The following HDAC5 variants were observed in gnomAD, a reference collection of about 807,000 sequenced individuals.
The protein encoded by HDAC5 is histone deacetylase 5, also known as antigen NY-CO-9.
HDAC5 carries 25 observed loss-of-function variants against 133.3 expected under a neutral mutation model. The observed-to-expected ratio is 0.19, with a 90% CI of 0.14 to 0.26. The LOEUF (loss-of-function observed/expected upper bound fraction) is 0.26, where lower values mean the gene tolerates loss of function less well. Among genes scored for constraint, HDAC5 ranks in the 10% least tolerant of loss-of-function variants. The pLI, the probability that HDAC5 is intolerant of heterozygous loss-of-function variation, is 1.00. For synonymous variants in HDAC5, 589 were observed against 610.8 expected (o/e 0.96, Z 0.53); for missense variants, 1,041 against 1,460.5 (o/e 0.71, Z 4.68).
chr17:44,087,789 T>C, intron 12 of HDAC5, 93 bp from the exon 13 acceptor site: 1 of 1,399,308 alleles, frequency 7.1e-7, no homozygotes, highest in Non-Finnish European at 9.4e-7. Flanking sequence ...CTCCCTCCCT[T>C]CTTCCAGGTA....
intron 11 of HDAC5, among the ~76,000 whole-genome samples, chr17:44,090,362 G>A (rs1195263715): frequency 6.6e-6 from 1 of 152,150 alleles, no homozygotes; most frequent in Admixed American, 6.6e-5. Flanking sequence ...TATATGTGGT[G>A]AAATTAATTC....
intron 1 of HDAC5, chr17:44,123,283 G>A (rs1008005433): frequency 9.5e-6 from 3 of 314,792 alleles, no homozygotes; most frequent in South Asian, 1.6e-4. Flanking sequence ...GTCTGGGAGG[G>A]GCAGGGAGGG....
chr17:44,093,851 C>T lies in HDAC5; in HGVS notation c.95-17G>A. On this transcript the variant is annotated splice_polypyrimidine_tract_variant and intron_variant, in intron 3 of 26. Transcript: ENST00000682912. ...TCACCTCCACTGTGGGCAGAAGAGA[C>T]AGGAAGGAGTTAGTGGGCCCAGCCC... 1.4e-6 allele frequency: 2 copies of T among 1,473,690 alleles called. No homozygotes were observed. Among genetic ancestry groups the T allele is most frequent in the Non-Finnish European group, 9.0e-7 (1 of 1,109,686 alleles). 91.3% of individuals were successfully genotyped at this position (1,473,690 alleles called of 1,614,324 possible). A position where few individuals can be genotyped will look rare whatever the true frequency, so the allele number is the denominator to read the frequency against.
At chr17:44,083,306 G>A (rs1050900100) in intron 18 of HDAC5, among the ~76,000 whole-genome samples, 8 of 152,210 alleles carry the variant, frequency 5.3e-5, no homozygotes, top group African/African-American at 1.9e-4. Context: ...CATGAGGCTT[G>A]AGCAGGCAGA....
At chr17:44,114,347 A>C (rs755303957) in intron 2 of HDAC5, among the ~76,000 whole-genome samples, 6 of 152,198 alleles carry the variant, frequency 3.9e-5, no homozygotes, top group Admixed American at 1.3e-4. Context: ...TGAAGGAGGC[A>C]GAGCCCAAGG....
intron 3 of HDAC5, among the ~76,000 whole-genome samples, chr17:44,106,517 G>A (rs1407160520): frequency 2.0e-5 from 3 of 152,078 alleles, no homozygotes; most frequent in South Asian, 2.1e-4. Context: ...AGCTCCAATC[G>A]CCAGGCCATG....
intron 3 of HDAC5, 94 bp downstream of exon 3, chr17:44,110,635 G>C (rs1353062191): frequency 2.1e-6 from 2 of 973,004 alleles, no homozygotes; most frequent in East Asian, 2.5e-5. Flanking sequence ...GATCTATGCA[G>C]GACCCTATCT....
At chr17:44,079,337 A>G in intron 23 of HDAC5, 60 bp from the exon 24 acceptor site, 1 of 1,558,886 alleles carries the variant, frequency 6.4e-7, no homozygotes, top group South Asian at 1.1e-5. Flanking sequence ...TCAATTCAAG[A>G]GCCAGTAAGA....
chr17:44,077,786 C>T lies in HDAC5; in HGVS notation c.*590G>A, dbSNP rs1597916846. On this transcript the variant is annotated 3_prime_UTR_variant, in exon 27 of 27. Coordinates refer to ENST00000682912, the MANE Select transcript of HDAC5 (RefSeq NM_005474.5). The stretch of plus-strand genomic sequence containing the variant: ...TGCAGGCCACAGCTTGGGCACCAGC[C>T]TCCCATCAGTGCTGAGACCAAGAGG... 1 of 152,586 alleles carries T rather than the reference C, an allele frequency of 6.6e-6. No individual in the cohort carries two copies. Among genetic ancestry groups the T allele is most frequent in the Non-Finnish European group, 1.5e-5 (1 of 68,180 alleles). The allele number at this position is 152,586 out of a possible 1,614,324, so 9.5% of individuals were successfully genotyped here.
rs763946793 is a variant in HDAC5, at chr17:44,083,601, T to C, written c.2407A>G (p.Met803Val). 1.9e-6 allele frequency: 3 copies of C among 1,614,050 alleles called. No homozygotes were observed. The highest frequency in any genetic ancestry group is 2.2e-5 in the South Asian group (2 of 91,088). Residue 803 changes from methionine to valine, a missense_variant, in exon 18 of 27, where the codon ATG becomes GTG. By Grantham distance (21) the Met-to-Val change is conservative (BLOSUM62 1). Around this residue, in one of 9 missense-constraint regions of HDAC5, gnomAD observed 174 missense variants for 352.7 expected, o/e 0.49. Coordinates refer to ENST00000682912, the MANE Select transcript of HDAC5 (RefSeq NM_005474.5). ...NEMHSSSAVR[M>V]AVGCLLELAF... is the part of the protein sequence containing the mutation. ...AGCTCCAGCAGGCAGCCCACTGCCA[T>C]GCGCACAGCACTGGAGGAGTGCATC...
intron 3 of HDAC5, among the ~76,000 whole-genome samples, chr17:44,104,951 T>C (rs2051842473): frequency 6.6e-6 from 1 of 152,132 alleles, no homozygotes; most frequent in South Asian, 2.1e-4. Flanking sequence ...AGGAAAGGCC[T>C]GAAGACCAGC....
Position 44,094,734 on chromosome 17 carries a change from A to G in HDAC5, c.95-900T>C, listed in dbSNP as rs147257205. On this transcript the variant is annotated intron_variant, in intron 3 of 26. Transcript: ENST00000682912. ...TATCTGTGTGTGTGTGTGTATATAT[A>G]TGTGTGTACGTATGTGTGTGTATAT... is the stretch of plus-strand genomic sequence containing the variant. Among the ~76,000 whole-genome samples the G allele has an allele frequency of 8.5e-3, 1,076 of 126,370 alleles. 12 individuals are homozygous for G. The highest frequency in any genetic ancestry group is 0.025 in the African/African-American group (1,015 of 39,942). The allele number at this position is 126,370 out of a possible 152,430, so 82.9% of individuals were successfully genotyped here. A position where few individuals can be genotyped will look rare whatever the true frequency, so the allele number is the denominator to read the frequency against.
chr17:44,102,985 G>A (rs1250185261), intron 3 of HDAC5, among the ~76,000 whole-genome samples: 1 of 152,088 alleles, frequency 6.6e-6, no homozygotes, highest in Non-Finnish European at 1.5e-5. Context: ...CTTTATTTAA[G>A]AGACAGCCCT....
intron 9 of HDAC5, 32 bp downstream of exon 9, chr17:44,092,140 C>T: frequency 6.3e-7 from 1 of 1,586,116 alleles, no homozygotes; most frequent in South Asian, 1.1e-5. Flanking sequence ...CAACTCTGTC[C>T]CCGCCCCACC....
At chr17:44,102,463 T>C (rs1205294714) in intron 3 of HDAC5, among the ~76,000 whole-genome samples, 1 of 151,974 alleles carries the variant, frequency 6.6e-6, no homozygotes, top group East Asian at 1.9e-4. Flanking sequence ...CGGCTTCAAG[T>C]GATTCTCCTG....
intron 20 of HDAC5, chr17:44,081,597 G>C (rs934012061): frequency 1.9e-5 from 1 of 53,980 alleles, no homozygotes; most frequent in Non-Finnish European, 3.5e-5. Context: ...TTTTTTTTTT[G>C]AGACAGAATC....
At position 44,123,567 on chromosome 17, in the gene HDAC5, C is replaced by T; in HGVS notation, c.-253G>A. On this transcript the variant is annotated 5_prime_UTR_variant, in exon 1 of 27. Transcript: ENST00000682912. ...GCAGCAGCGGCGGCGGCAGCGGCGG[C>T]AGCACCTCCTCGACGGCTCCTCCAT... 2.5e-6 allele frequency: 1 copy of T among 402,642 alleles called. No homozygotes were observed. Among genetic ancestry groups the T allele is most frequent in the Non-Finnish European group, 4.3e-6 (1 of 230,044 alleles). The allele number at this position is 402,642 out of a possible 1,614,324, so 24.9% of individuals were successfully genotyped here. A position where few individuals can be genotyped will look rare whatever the true frequency, so the allele number is the denominator to read the frequency against.
At chr17:44,111,111 G>T in intron 2 of HDAC5, 1 of 451,946 alleles carries the variant, frequency 2.2e-6, no homozygotes, top group Admixed American at 2.8e-5. Context: ...GTTCCTGGGA[G>T]CTGGGGTATG....
chr17:44,123,339 C>G, intron 1 of HDAC5, 165 bp downstream of exon 1: 1 of 332,094 alleles, frequency 3.0e-6, no homozygotes, highest in Non-Finnish European at 5.4e-6. Context: ...TGCCGATGCT[C>G]CCGGGGGGCG....
Sources: gnomAD v4.1 joint callset for allele counts (sites outside exome capture counted in the v4.1 genomes callset) on GRCh38, gnomAD v4.1.1 for gene constraint, gnomAD v4.1.1 regional missense constraint, MANE v1.5 for transcripts, NCBI Gene and HGNC (gene_info 2026-07-23, HGNC 2026-07-21) for gene names.